The following SCD5 variants were observed in gnomAD, a reference collection of about 807,000 sequenced individuals.
SCD5 encodes stearoyl-CoA desaturase 5.
In SCD5, 20 loss-of-function variants were observed where a neutral mutation model predicts 30.4. The observed-to-expected ratio is 0.66, with a 90% CI of 0.46 to 0.96. The LOEUF (loss-of-function observed/expected upper bound fraction) is 0.96. Among genes scored for constraint, SCD5 ranks in the 40% least tolerant of loss-of-function variants. The pLI is 0.00. For missense variants in SCD5, 381 were observed against 443.3 expected, an observed-to-expected ratio of 0.86 and a Z score of 1.26; for synonymous variants, 173 against 176.4, an observed-to-expected ratio of 0.98 and a Z score of 0.16.
rs141517402 is a variant in SCD5 at position 82,749,753 on chromosome 4, A to G, written c.233-44340T>C. ...CAACTATTTCACAGATTCATGTTGA[A>G]GGACAGTTGTGATACTAACACATTA... On this transcript the variant is annotated intron_variant, in intron 1 of 4. Transcript: ENST00000319540. 2.2e-3 allele frequency among the ~76,000 whole-genome samples: 338 copies of G among 152,342 alleles called. 2 individuals are homozygous for G. Among genetic ancestry groups the G allele is most frequent in the African/African-American group, 7.7e-3 (321 of 41,580 alleles).
At chr4:82,726,537 C>T (rs1720473399) in intron 1 of SCD5, among the ~76,000 whole-genome samples, 1 of 148,982 alleles carries the variant, frequency 6.7e-6, no homozygotes, top group South Asian at 2.1e-4. Context: ...TATTTTCACT[C>T]TGCTTGTTAA....
intron 3 of SCD5, among the ~76,000 whole-genome samples, 176 bp from the exon 4 acceptor site, chr4:82,636,999 T>C (rs1005288711): frequency 6.6e-6 from 1 of 152,206 alleles, no homozygotes; most frequent in Non-Finnish European, 1.5e-5. Flanking sequence ...CCCATATACC[T>C]GCAAGGGCTA....
At chr4:82,730,717 C>T (rs1012701076) in intron 1 of SCD5, among the ~76,000 whole-genome samples, 3 of 151,322 alleles carry the variant, frequency 2.0e-5, no homozygotes, top group Non-Finnish European at 4.4e-5. Flanking sequence ...TCCCGAGTAG[C>T]TGGGACTACA....
intron 4 of SCD5, 24 bp downstream of exon 4, chr4:82,636,567 T>C (rs773406013): frequency 1.5e-5 from 24 of 1,584,086 alleles, no homozygotes; most frequent in South Asian, 4.5e-5. Context: ...ATTCTCCCCA[T>C]TGGCCCTCAA....
chr4:82,789,507 A>C (rs1236751371), intron 1 of SCD5, among the ~76,000 whole-genome samples: 2 of 152,206 alleles, frequency 1.3e-5, no homozygotes, highest in African/African-American at 4.8e-5. Context: ...TTCTCTAACA[A>C]GCTCCCAGGT....
At chr4:82,769,972 T>C (rs1175972941) in intron 1 of SCD5, among the ~76,000 whole-genome samples, 4 of 152,018 alleles carry the variant, frequency 2.6e-5, no homozygotes, top group African/African-American at 9.7e-5. Flanking sequence ...CTAACTGAAA[T>C]GCATTTGTTT....
At chr4:82,733,162 G>A (rs752653269) in intron 1 of SCD5, among the ~76,000 whole-genome samples, 1 of 152,182 alleles carries the variant, frequency 6.6e-6, no homozygotes, top group Non-Finnish European at 1.5e-5. Flanking sequence ...CGTACTCACA[G>A]AGTAAATGAC....
chr4:82,708,508 G>C (rs1720013358), intron 1 of SCD5, among the ~76,000 whole-genome samples: 1 of 152,114 alleles, frequency 6.6e-6, no homozygotes, highest in Admixed American at 6.6e-5. Flanking sequence ...TATGCCTGAA[G>C]CTATCAAGAC....
At position 82,705,430 on chromosome 4, in the gene SCD5, G is replaced by C. The variant is rs375935444; in HGVS notation, c.233-17C>G. On this transcript the variant is annotated splice_polypyrimidine_tract_variant and intron_variant, in intron 1 of 4. Coordinates refer to ENST00000319540, the MANE Select transcript of SCD5 (RefSeq NM_001037582.3). ...AGAAGTAGGCTGCAAGACACAAGCA[G>C]GGACAACGTCAACAATGGTCCCTGA... The C allele has an allele frequency of 5.6e-6, 9 of 1,613,876 alleles. No individual in the cohort carries two copies. The African/African-American group carries it at 1.1e-4, about 19-fold the overall frequency.
intron 1 of SCD5, among the ~76,000 whole-genome samples, chr4:82,766,255 C>A (rs571159500): frequency 6.6e-6 from 1 of 152,352 alleles, no homozygotes; most frequent in South Asian, 2.1e-4. Flanking sequence ...CCACAGCTCA[C>A]TGATGCTCTG....
At chr4:82,753,679 G>C (rs1000893152) in intron 1 of SCD5, among the ~76,000 whole-genome samples, 1 of 152,060 alleles carries the variant, frequency 6.6e-6, no homozygotes, top group African/African-American at 2.4e-5. Context: ...TGATATTTCT[G>C]CTTGACCTGC....
At chr4:82,664,999 CTATATA>C (rs70964800) in intron 3 of SCD5, among the ~76,000 whole-genome samples, 14 of 70,494 alleles carry the variant, frequency 2.0e-4, no homozygotes, top group East Asian at 8.1e-4. Flanking sequence ...CTCTCTCTCT[CTATATA>C]TATATATATA....
At chr4:82,634,757 C>T (rs746249184) in intron 4 of SCD5, among the ~76,000 whole-genome samples, 4 of 152,174 alleles carry the variant, frequency 2.6e-5, no homozygotes, top group Non-Finnish European at 4.4e-5. Context: ...TACATGGTGA[C>T]GGACCATCTT....
intron 1 of SCD5, among the ~76,000 whole-genome samples, chr4:82,769,291 C>T (rs139898059): frequency 9.9e-5 from 15 of 152,130 alleles, no homozygotes; most frequent in African/African-American, 3.1e-4. Context: ...CCCTAAGATC[C>T]CCTCCAGCTA....
intron 3 of SCD5, among the ~76,000 whole-genome samples, chr4:82,648,126 T>C (rs1021197272): frequency 3.9e-5 from 6 of 152,330 alleles, no homozygotes; most frequent in African/African-American, 1.2e-4. Context: ...CTGGCCACTA[T>C]TTGCTATCTC....
At chr4:82,717,808 T>C (rs1166283453) in intron 1 of SCD5, among the ~76,000 whole-genome samples, 1 of 151,446 alleles carries the variant, frequency 6.6e-6, no homozygotes, top group African/African-American at 2.4e-5. Flanking sequence ...CCCAGATACT[T>C]GGGAGGGTGA....
At chr4:82,694,837 T>C (rs760109180) in intron 2 of SCD5, among the ~76,000 whole-genome samples, 5 of 152,164 alleles carry the variant, frequency 3.3e-5, no homozygotes, top group Non-Finnish European at 4.4e-5. Flanking sequence ...AATCCATGCA[T>C]TTAAGTGAAG....
At chr4:82,747,704 C>T (rs998331157) in intron 1 of SCD5, among the ~76,000 whole-genome samples, 7 of 152,322 alleles carry the variant, frequency 4.6e-5, no homozygotes, top group African/African-American at 1.2e-4. Context: ...TTATGGATTA[C>T]GATCAGCAGA....
intron 3 of SCD5, chr4:82,660,690 A>G (rs1026207722): frequency 7.0e-7 from 1 of 1,427,800 alleles, no homozygotes; most frequent in African/African-American, 1.4e-5. Context: ...TTTTAGGACC[A>G]TATTTTACCT....
Sources: allele counts gnomAD v4.1 joint callset (sites outside exome capture counted in the v4.1 genomes callset), GRCh38; gene constraint gnomAD v4.1.1; transcripts MANE v1.5; gene names NCBI Gene and HGNC (gene_info 2026-07-23, HGNC 2026-07-21).